The following CLIP2 variants were observed in gnomAD, a reference collection of about 807,000 sequenced individuals.
The protein encoded by CLIP2 is CAP-Gly domain-containing linker protein 2.
Under a neutral mutation model 111.7 loss-of-function variants are expected in CLIP2, and 41 were observed. The observed-to-expected ratio is 0.37, with a 90% CI of 0.29 to 0.48. CLIP2 has a LOEUF of 0.48. Ranked by LOEUF, CLIP2 falls within the 20% of genes least tolerant of loss-of-function variation. CLIP2 has a pLI of 0.99. For synonymous variants in CLIP2, 660 were observed against 644.2 expected, an observed-to-expected ratio of 1.02 and a Z score of -0.37; for missense variants, 1,160 against 1,422.1, an observed-to-expected ratio of 0.82 and a Z score of 2.96.
intron 1 of CLIP2, among the ~76,000 whole-genome samples, chr7:74,295,840 A>G (rs1788150722): frequency 2.0e-5 from 3 of 151,920 alleles, no homozygotes. Flanking sequence ...CTTCATCTCT[A>G]CAGAAAATTA....
chr7:74,360,150 G>A lies in CLIP2; in HGVS notation c.1216-25G>A. The A allele has an allele frequency of 3.8e-6, 6 of 1,569,418 alleles. No homozygotes were observed. In the Admixed American group the frequency reaches 7.4e-5, roughly 19 times the overall value. The stretch of plus-strand genomic sequence containing the variant: ...CCATACCCCGGAGCATGCTGACCCT[G>A]TCCTGGCCTTCCTTGGGGGCCCAGT... On this transcript the variant is annotated intron_variant, in intron 6 of 16. Transcript: ENST00000223398.
intron 7 of CLIP2, among the ~76,000 whole-genome samples, chr7:74,363,247 C>T (rs562474028): frequency 6.6e-6 from 1 of 152,300 alleles, no homozygotes; most frequent in African/African-American, 2.4e-5. Context: ...GGTGATCCGC[C>T]CACCTTGGCC....
Position 74,403,945 on chromosome 7 carries a change from T to C in CLIP2, c.*97T>C. On this transcript the variant is annotated 3_prime_UTR_variant, in exon 17 of 17. Coordinates refer to ENST00000223398, the MANE Select transcript of CLIP2 (RefSeq NM_003388.5). ...CAGGCAGGAGCCGGGACTGTCACTTTGGAGACAAAACAGTGTTTGTAACAA... is the reference window on the plus strand; with the variant it reads ...CAGGCAGGAGCCGGGACTGTCACTTCGGAGACAAAACAGTGTTTGTAACAA... 7.5e-7 allele frequency: 1 copy of C among 1,333,030 alleles called. No homozygotes were observed. The highest frequency in any genetic ancestry group is 1.1e-6 in the Non-Finnish European group (1 of 932,528). The allele number at this position is 1,333,030 out of a possible 1,614,324, so 82.6% of individuals were successfully genotyped here. A position where few individuals can be genotyped will look rare whatever the true frequency, so the allele number is the denominator to read the frequency against.
rs2116724589 is a variant in CLIP2, at chr7:74,404,948, C to T, written c.*1100C>T. On this transcript the variant is annotated 3_prime_UTR_variant, in exon 17 of 17. Coordinates refer to ENST00000223398, the MANE Select transcript of CLIP2 (RefSeq NM_003388.5). ...CGTGCCTACAGATACTGCAAACGTTCCTACAGCCTAGAGGTGCGTATACAC... is the reference window on the plus strand; with the variant it reads ...CGTGCCTACAGATACTGCAAACGTTTCTACAGCCTAGAGGTGCGTATACAC... The T allele has an allele frequency of 6.6e-6, 1 of 152,258 alleles. No homozygotes were observed. The highest frequency in any genetic ancestry group is 2.4e-5 in the African/African-American group (1 of 41,544). The allele number at this position is 152,258 out of a possible 1,614,324, so 9.4% of individuals were successfully genotyped here.
At chr7:74,334,431 CGGACAGCTGGGGACAA>C (rs2116546388) in intron 2 of CLIP2, among the ~76,000 whole-genome samples, 2 of 152,158 alleles carry the variant, frequency 1.3e-5, no homozygotes, top group South Asian at 4.2e-4. Flanking sequence ...CGCCTGGGCC[CGGACAGCTGGGGACAA>C]GGACAGCTGA....
chr7:74,317,496 G>C lies in CLIP2; in HGVS notation c.-51G>C. On this transcript the variant is annotated 5_prime_UTR_variant, in exon 2 of 17. Transcript: ENST00000223398. ...TGCCCGCAGGTGAGTGAAGATGGCAGAGAGGACGTGACCAGCACTCACCCT... is the reference window on the plus strand; with the variant it reads ...TGCCCGCAGGTGAGTGAAGATGGCACAGAGGACGTGACCAGCACTCACCCT... The C allele has an allele frequency of 7.4e-7, 1 of 1,347,296 alleles. No individual in the cohort carries two copies. Among genetic ancestry groups the C allele is most frequent in the Non-Finnish European group, 9.6e-7 (1 of 1,040,900 alleles). 83.5% of individuals were successfully genotyped at this position (1,347,296 alleles called of 1,614,324 possible).
At chr7:74,356,121 TAA>T (rs1340775158) in intron 4 of CLIP2, among the ~76,000 whole-genome samples, 5 of 152,244 alleles carry the variant, frequency 3.3e-5, no homozygotes, top group African/African-American at 1.2e-4. Flanking sequence ...AGCATTCATT[TAA>T]AGAGACTGGC....
Position 74,376,969 on chromosome 7 carries a change from AGAG to A in CLIP2, c.2421+157_2421+159del. 1 of 808,474 alleles carries A rather than the reference AGAG, an allele frequency of 1.2e-6. No homozygotes were observed. Among genetic ancestry groups the A allele is most frequent in the South Asian group, 1.8e-5 (1 of 54,160 alleles). The allele number at this position is 808,474 out of a possible 1,614,324, so 50.1% of individuals were successfully genotyped here. On this transcript the variant is annotated intron_variant, in intron 10 of 16. Coordinates refer to ENST00000223398, the MANE Select transcript of CLIP2 (RefSeq NM_003388.5). The surrounding 1 kb of genome is among the most constrained non-coding windows in gnomAD (Gnocchi z 7.1). Reference sequence around the variant, plus strand: ...AGTCAAGGAAGGGGTCACCTGGCTTAGAGGAGGAGGAGCTCCTTGGCCCTCTGT... The same window carrying A: ...AGTCAAGGAAGGGGTCACCTGGCTTAGAGGAGGAGCTCCTTGGCCCTCTGT...
chr7:74,365,034 TGTGTGTGTGTGTGTGTGA>T (rs1790440898), intron 8 of CLIP2: 1 of 323,328 alleles, frequency 3.1e-6, no homozygotes, highest in African/African-American at 2.3e-5. Context: ...TGTGTGTGTG[TGTGTGTGTGTGTGTGTGA>T]CTGTCTCAAA....
intron 3 of CLIP2, among the ~76,000 whole-genome samples, chr7:74,339,561 C>T (rs1789596491): frequency 6.6e-6 from 1 of 152,136 alleles, no homozygotes. Flanking sequence ...CCGCCTTGGC[C>T]TCCCAAAGTG....
intron 7 of CLIP2, 65 bp from the exon 8 acceptor site, chr7:74,364,190 C>A: frequency 1.4e-6 from 2 of 1,453,086 alleles, no homozygotes; most frequent in Non-Finnish European, 1.9e-6. Flanking sequence ...TCTGCTGTTG[C>A]TCATTCGGTG....
At chr7:74,290,238 C>G (rs1787976873) in intron 1 of CLIP2, among the ~76,000 whole-genome samples, 1 of 152,220 alleles carries the variant, frequency 6.6e-6, no homozygotes, top group Admixed American at 6.5e-5. Flanking sequence ...CTCCTCCCTG[C>G]TACACCCTCT....
At chr7:74,347,901 CAGG>C (rs1789848649) in intron 3 of CLIP2, among the ~76,000 whole-genome samples, 1 of 152,016 alleles carries the variant, frequency 6.6e-6, no homozygotes, top group African/African-American at 2.4e-5. Flanking sequence ...GGAAACAGCC[CAGG>C]GGCGGGGGCT....
Position 74,386,537 on chromosome 7 carries a change from G to T in CLIP2, c.2496G>T (p.Leu832=). 1 of 1,611,518 alleles carries T rather than the reference G, an allele frequency of 6.2e-7. No homozygotes were observed. The highest frequency in any genetic ancestry group is 8.5e-7 in the Non-Finnish European group (1 of 1,178,834). Residue 832 remains leucine, a synonymous_variant, in exon 12 of 17, where the codon CTG becomes CTT. Transcript: ENST00000223398. ...CTCCCCTAGGCCTGCAGGACAAGCT[G>T]AACAAGAGGGACAAAGAGGTGACAG... ...KETVEGLQDK[L]NKRDKEVTAL...
At chr7:74,332,828 C>T (rs1261805188) in intron 2 of CLIP2, among the ~76,000 whole-genome samples, 1 of 152,202 alleles carries the variant, frequency 6.6e-6, no homozygotes. Context: ...CACTCCACCC[C>T]CTTGCCGGGC....
chr7:74,400,637 C>G lies in CLIP2; in HGVS notation c.3066+82C>G, dbSNP rs1433000513. The G allele has an allele frequency of 5.9e-6, 8 of 1,363,302 alleles. No individual in the cohort carries two copies. The East Asian group carries it at 2.0e-4, about 35-fold the overall frequency. 84.5% of individuals were successfully genotyped at this position (1,363,302 alleles called of 1,614,324 possible). ...AGCCCCCGTCTGATGCGGGAGGCAG[C>G]CTTGTCTTTAAAACCCCAGTCTGAG... On this transcript the variant is annotated intron_variant, in intron 15 of 16. Transcript: ENST00000223398.
intron 8 of CLIP2, chr7:74,364,766 T>A (rs1390342734): frequency 2.3e-5 from 10 of 439,958 alleles, no homozygotes; most frequent in African/African-American, 2.0e-4. Context: ...CTCACACCTA[T>A]AATCCCAGCA....
rs569808209 is a variant in CLIP2 at position 74,394,312 on chromosome 7, A to G, written c.2721-2762A>G. Among the ~76,000 whole-genome samples, 37 of 137,596 alleles carry G rather than the reference A, an allele frequency of 2.7e-4. No homozygotes were observed. The South Asian group carries it at 7.8e-3, about 29-fold the overall frequency. 90.3% of individuals were successfully genotyped at this position (137,596 alleles called of 152,430 possible). A position where few individuals can be genotyped will look rare whatever the true frequency, so the allele number is the denominator to read the frequency against. On this transcript the variant is annotated intron_variant, in intron 13 of 16. Transcript: ENST00000223398. Reference sequence around the variant, plus strand: ...GTTGCCCAGGCTGGAGTGCAGTGGCACAATCTCTGCTCACCGCAACCTCTG... The same window carrying G: ...GTTGCCCAGGCTGGAGTGCAGTGGCGCAATCTCTGCTCACCGCAACCTCTG...
At chr7:74,340,842 G>T (rs1243386308) in intron 3 of CLIP2, among the ~76,000 whole-genome samples, 2 of 152,082 alleles carry the variant, frequency 1.3e-5, no homozygotes, top group Non-Finnish European at 2.9e-5. Flanking sequence ...TGTCTGCAAG[G>T]CTTCCTGGGG....
Sources: allele counts gnomAD v4.1 joint callset (sites outside exome capture counted in the v4.1 genomes callset), GRCh38; gene constraint gnomAD v4.1.1; non-coding constraint Gnocchi (gnomAD v3.1); transcripts MANE v1.5; gene names NCBI Gene and HGNC (gene_info 2026-07-23, HGNC 2026-07-21).